Variants in MYH9 observed in about 807,000 individuals in gnomAD.
MYH9 encodes myosin-9.
Under a neutral mutation model 241.9 loss-of-function variants are expected in MYH9, and 29 were observed. The ratio of observed to expected loss-of-function variants is 0.12; its 90% CI spans 0.09 to 0.16. The LOEUF (loss-of-function observed/expected upper bound fraction) is 0.16. Among genes scored for constraint, MYH9 ranks in the 10% least tolerant of loss-of-function variants. The pLI is 1.00. For synonymous variants in MYH9, 1,047 were observed against 1,062.6 expected, an observed-to-expected ratio of 0.99 and a Z score of 0.29; for missense variants, 1,803 against 2,595.5, an observed-to-expected ratio of 0.69 and a Z score of 6.63.
Position 36,319,532 on chromosome 22 carries a change from G to C in MYH9, c.1108+8C>G. The C allele has an allele frequency of 1.2e-6, 2 of 1,613,920 alleles. No homozygotes were observed. Among genetic ancestry groups the C allele is most frequent in the Non-Finnish European group, 1.7e-6 (2 of 1,179,826 alleles). ...CCATTATTTCCAGCGAGAGGCCCCGGGTGTTACCTGTGTTGTCGGGCATGG... is the reference window on the plus strand; with the variant it reads ...CCATTATTTCCAGCGAGAGGCCCCGCGTGTTACCTGTGTTGTCGGGCATGG... On this transcript the variant is annotated splice_region_variant and intron_variant, in intron 10 of 40. Coordinates refer to ENST00000216181, the MANE Select transcript of MYH9 (RefSeq NM_002473.6).
chr22:36,365,035 G>A (rs1209665391), intron 1 of MYH9: 2 of 134,310 alleles, frequency 1.5e-5, no homozygotes, highest in Non-Finnish European at 3.0e-5. Context: ...TCGGAGTATC[G>A]TCTAACTCAC....
chr22:36,293,987 G>T lies in MYH9; in HGVS notation c.3837+105C>A. ...TGAACCATGAGGGTCTGAGGAGCCA[G>T]TTTGAGAAGAGAGAGAGACAGAGAG... On this transcript the variant is annotated intron_variant, in intron 28 of 40. Transcript: ENST00000216181. The surrounding 1 kb of genome is among the most constrained non-coding windows in gnomAD (Gnocchi z 5.1). The T allele has an allele frequency of 6.7e-7, 1 of 1,485,782 alleles. No homozygotes were observed. The highest frequency in any genetic ancestry group is 9.3e-7 in the Non-Finnish European group (1 of 1,080,766). 92.0% of individuals were successfully genotyped at this position (1,485,782 alleles called of 1,614,324 possible). A position where few individuals can be genotyped will look rare whatever the true frequency, so the allele number is the denominator to read the frequency against.
chr22:36,339,311 G>A (rs2146382404), intron 3 of MYH9, among the ~76,000 whole-genome samples: 1 of 152,318 alleles, frequency 6.6e-6, no homozygotes, highest in East Asian at 1.9e-4. Context: ...ATCTCAAGAT[G>A]ACTCCGGAGT....
rs1003281304 is a variant in MYH9, at chr22:36,317,523, T to C, written c.1227+684A>G. On this transcript the variant is annotated intron_variant, in intron 11 of 40. Transcript: ENST00000216181. ...AGTCTTGTCTTTCATGCAATGCTTCTGCACAGAAACAGCCGTGAGCTGTCA... is the reference window on the plus strand; with the variant it reads ...AGTCTTGTCTTTCATGCAATGCTTCCGCACAGAAACAGCCGTGAGCTGTCA... 4.6e-5 allele frequency among the ~76,000 whole-genome samples: 7 copies of C among 152,370 alleles called. No homozygotes were observed. The South Asian group carries it at 1.4e-3, about 32-fold the overall frequency.
At chr22:36,332,379 G>T (rs1022914180) in intron 3 of MYH9, among the ~76,000 whole-genome samples, 2 of 152,200 alleles carry the variant, frequency 1.3e-5, no homozygotes, top group Non-Finnish European at 2.9e-5. Flanking sequence ...TGCCTGCCTA[G>T]CAATCTGCCA....
intron 32 of MYH9, 69 bp downstream of exon 32, chr22:36,289,016 C>T: frequency 6.2e-7 from 1 of 1,612,716 alleles, no homozygotes; most frequent in Non-Finnish European, 8.5e-7. Flanking sequence ...AGTCTGTGCA[C>T]ACACCGACCC....
intron 1 of MYH9, among the ~76,000 whole-genome samples, chr22:36,384,490 G>A (rs2018308764): frequency 7.0e-6 from 1 of 142,806 alleles, no homozygotes; most frequent in Admixed American, 7.2e-5. Flanking sequence ...GGCTGAGGCA[G>A]GAGAATTGCT....
intron 20 of MYH9, 170 bp from the exon 21 acceptor site, chr22:36,301,835 G>C: frequency 1.2e-6 from 1 of 803,240 alleles, no homozygotes; most frequent in Non-Finnish European, 2.0e-6. Context: ...TGTACCACGG[G>C]CTTCTGACCC....
intron 1 of MYH9, among the ~76,000 whole-genome samples, chr22:36,361,838 A>G (rs542667579): frequency 6.6e-6 from 1 of 152,320 alleles, no homozygotes; most frequent in African/African-American, 2.4e-5. Context: ...TTGGGAGGAC[A>G]AGGCAGGTAG....
At chr22:36,348,508 C>CA (rs11367901) in intron 2 of MYH9, among the ~76,000 whole-genome samples, 26 of 133,024 alleles carry the variant, frequency 2.0e-4, no homozygotes, top group African/African-American at 6.9e-4. Context: ...GACTCCGTCT[C>CA]AAAAAAAAAA....
intron 1 of MYH9, among the ~76,000 whole-genome samples, chr22:36,354,938 CA>C (rs911987224): frequency 2.5e-5 from 3 of 118,362 alleles, no homozygotes; most frequent in South Asian, 5.0e-4. Context: ...CTTAAAAAAA[CA>C]AAAAAACAAA....
intron 31 of MYH9, 132 bp from the exon 32 acceptor site, chr22:36,289,429 G>T: frequency 1.3e-6 from 1 of 787,638 alleles, no homozygotes; most frequent in Non-Finnish European, 2.0e-6. Context: ...GGAAGCACAG[G>T]CCCAGGGCTG....
rs377539123 is a variant in MYH9, at chr22:36,320,353, C to G, written c.879G>C (p.Leu293=). ...AGCGGTATTTGTTGTACGGCTCCAA[C>G]AGGAGATCGGCTGTAAGGGGTGGAG... ...GAGEHLKTDL[L]LEPYNKYRFL... Residue 293 remains leucine (L), a synonymous_variant, in exon 9 of 41, where the codon CTG becomes CTC. Transcript: ENST00000216181. This position sits in a 1 kb window ranked among gnomAD's most constrained non-coding sequence, Gnocchi z 4.8. The G allele has an allele frequency of 1.2e-6, 2 of 1,613,828 alleles. No individual in the cohort carries two copies. Among genetic ancestry groups the G allele is most frequent in the Non-Finnish European group, 8.5e-7 (1 of 1,180,034 alleles).
chr22:36,385,648 T>G (rs1209594698), intron 1 of MYH9, among the ~76,000 whole-genome samples: 1 of 152,162 alleles, frequency 6.6e-6, no homozygotes, highest in Non-Finnish European at 1.5e-5. Flanking sequence ...CACCGAATGC[T>G]GCCCTTCTCT....
At chr22:36,376,117 A>G (rs1569537159) in intron 1 of MYH9, among the ~76,000 whole-genome samples, 4 of 151,210 alleles carry the variant, frequency 2.6e-5, no homozygotes. Context: ...ATGCACCACC[A>G]CACCCGGCTA....
chr22:36,384,743 A>G (rs9610501), intron 1 of MYH9, among the ~76,000 whole-genome samples: 64,408 of 149,486 alleles, frequency 0.43, 17,305 homozygotes, highest in Non-Finnish European at 0.61. Context: ...CCCATATTAT[A>G]CATAAGCACA....
chr22:36,321,267 C>T (rs1332138840), intron 7 of MYH9, among the ~76,000 whole-genome samples: 4 of 152,180 alleles, frequency 2.6e-5, no homozygotes, highest in Non-Finnish European at 5.9e-5. Context: ...TCCTCTTATT[C>T]TCGTCCAAAG....
rs1043952772 is a variant in MYH9, at chr22:36,296,968, G to A, written c.3147C>T (p.Thr1049=). Residue 1049 remains threonine, a synonymous_variant, in exon 25 of 41, where the codon ACC becomes ACT. Transcript: ENST00000216181. The part of the protein sequence containing the change: ...EEKQRQELEK[T]RRKLEGDSTD... ...TGGAGTCTCCCTCCAGCTTCCGGCGGGTCTTCTCCAGCTCCTGTCGCTGCT... is the reference window on the plus strand; with the variant it reads ...TGGAGTCTCCCTCCAGCTTCCGGCGAGTCTTCTCCAGCTCCTGTCGCTGCT... 1 of 1,614,162 alleles carries A rather than the reference G, an allele frequency of 6.2e-7. No individual in the cohort carries two copies. Among genetic ancestry groups the A allele is most frequent in the Non-Finnish European group, 8.5e-7 (1 of 1,180,024 alleles).
chr22:36,306,670 C>A lies in MYH9; in HGVS notation c.1844-63G>T. On this transcript the variant is annotated intron_variant, in intron 15 of 40. Transcript: ENST00000216181. This position sits in a 1 kb window ranked among gnomAD's most constrained non-coding sequence, Gnocchi z 4.1. ...GTTGCAGCTGGGTGGTGGGGGAGCA[C>A]GTAGGAGAGAGAGACAGGCACACGT... 6.0e-6 allele frequency: 9 copies of A among 1,500,064 alleles called. No homozygotes were observed. The South Asian group carries it at 9.3e-5, about 15-fold the overall frequency. 92.9% of individuals were successfully genotyped at this position (1,500,064 alleles called of 1,614,324 possible).
Sources: gnomAD v4.1 joint callset for allele counts (sites outside exome capture counted in the v4.1 genomes callset) on GRCh38, gnomAD v4.1.1 for gene constraint, Gnocchi (gnomAD v3.1) non-coding constraint, MANE v1.5 for transcripts, NCBI Gene and HGNC (gene_info 2026-07-23, HGNC 2026-07-21) for gene names.